The following DNHD1 variants were observed in gnomAD, a reference collection of about 807,000 sequenced individuals.
DNHD1 encodes dynein heavy chain domain-containing protein 1.
Under a neutral mutation model 458.1 loss-of-function variants are expected in DNHD1, and 383 were observed. The observed-to-expected ratio is 0.84, with a 90% confidence interval of 0.77 to 0.91. The LOEUF is 0.91. DNHD1 is among the 40% of genes least tolerant of loss of function. DNHD1 has a pLI of 0.00. For missense variants in DNHD1, 5,336 were observed against 5,866.1 expected, an observed-to-expected ratio of 0.91 and a Z score of 2.95; for synonymous variants, 2,203 against 2,376.9, an observed-to-expected ratio of 0.93 and a Z score of 2.13.
In DNHD1 at chr11:6,545,373, T is replaced by G. The variant is rs1853188174; in HGVS notation, c.4434T>G (p.Gly1478=). 1 of 1,551,726 alleles carries G rather than the reference T, an allele frequency of 6.4e-7. No individual in the cohort carries two copies. The highest frequency in any genetic ancestry group is 2.4e-5 in the East Asian group (1 of 40,926). The change falls in exon 21 of 43, where the codon GGT becomes GGG. Residue 1478 remains glycine, a synonymous_variant. Transcript: ENST00000254579. The surrounding 1 kb of genome is among the most constrained non-coding windows in gnomAD (Gnocchi z 4.9). The part of the protein sequence containing the change: ...AARLARGPSL[G]EALKQLPKQN... ...GCCTTGCTCGAGGCCCATCTCTAGG[T>G]GAGGCCCTCAAGCAACTGCCCAAGC...
Position 6,559,159 on chromosome 11 carries a change from C to T in DNHD1, c.9417-22C>T. On this transcript the variant is annotated intron_variant, in intron 27 of 42. Transcript: ENST00000254579. ...CTCCTTCTGCTCCTTTGGGTTTCCT[C>T]ACCAGCACATTGTATCTCCAGGGTC... 14 of 1,551,658 alleles carry T rather than the reference C, an allele frequency of 9.0e-6. 1 individual carries two copies. The highest frequency in any genetic ancestry group is 2.4e-5 in the South Asian group (2 of 84,052).
At chr11:6,547,757 G>A in intron 21 of DNHD1, 91 bp downstream of exon 21, 2 of 1,486,348 alleles carry the variant, frequency 1.3e-6, no homozygotes, top group African/African-American at 2.8e-5. Context: ...GTTCTTTGGT[G>A]GATCTGGGCC....
In DNHD1 at chr11:6,571,359, G is replaced by A. The variant is rs1467398457; in HGVS notation, c.13847G>A (p.Gly4616Asp). 6.2e-7 allele frequency: 1 copy of A among 1,612,396 alleles called. No individual in the cohort carries two copies. Among genetic ancestry groups the A allele is most frequent in the East Asian group, 2.2e-5 (1 of 44,850 alleles). ...VPSSNFPGSR[G>D]SVSSQLQYKR... ...AGCTCGAATTTCCCTGGTAGCCGAG[G>A]CTCGGTCTCCAGTCAGCTCCAGTAT... Residue 4616 changes from glycine to aspartate, a missense_variant, in exon 42 of 43, where the codon GGC becomes GAC. Physicochemically the swap from Gly to Asp is moderately conservative, Grantham distance 94. Coordinates refer to ENST00000254579, the MANE Select transcript of DNHD1 (RefSeq NM_144666.3). The surrounding 1 kb of genome is among the most constrained non-coding windows in gnomAD (Gnocchi z 5.0).
Position 6,571,918 on chromosome 11 carries a change from C to T in DNHD1, c.14194C>T (p.Pro4732Ser). The T allele has an allele frequency of 6.2e-7, 1 of 1,614,028 alleles. No individual in the cohort carries two copies. Among genetic ancestry groups the T allele is most frequent in the South Asian group, 1.1e-5 (1 of 91,088 alleles). ...SRNIVMHLPL[P>S]TKLTPNTCVQ... ...GAACATCGTGATGCATCTGCCTTTA[C>T]CCACCAAGCTCACCCCCAACACCTG... Residue 4732 changes from proline to serine, a missense_variant, in exon 43 of 43, where the codon CCC becomes TCC. This residue lies in a region of DNHD1 where 698 missense variants were observed against 664.9 expected (regional missense o/e 1.05). Coordinates refer to ENST00000254579, the MANE Select transcript of DNHD1 (RefSeq NM_144666.3). This position sits in a 1 kb window ranked among gnomAD's most constrained non-coding sequence, Gnocchi z 5.0.
chr11:6,544,733 G>T, intron 20 of DNHD1, 59 bp from the exon 21 acceptor site: 1 of 1,539,766 alleles, frequency 6.5e-7, no homozygotes, highest in Non-Finnish European at 8.8e-7. Context: ...GGCTCAGCGT[G>T]GGAAAGGGGA....
rs149747311 is a variant in DNHD1, at chr11:6,500,895, G to T, written c.747-1858G>T. Among the ~76,000 whole-genome samples, 54 of 152,180 alleles carry T rather than the reference G, an allele frequency of 3.5e-4. No individual in the cohort carries two copies. The East Asian group carries it at 7.9e-3, about 22-fold the overall frequency. On this transcript the variant is annotated intron_variant, in intron 3 of 42. Coordinates refer to ENST00000254579, the MANE Select transcript of DNHD1 (RefSeq NM_144666.3). ...AACAAGTAAAATATAATTACAAATT[G>T]TAATAAGTGCTATAAAACAAAAGAA...
chr11:6,565,672 T>G, intron 32 of DNHD1, 23 bp from the exon 33 acceptor site: 2 of 1,523,140 alleles, frequency 1.3e-6, no homozygotes, highest in Non-Finnish European at 1.8e-6. Flanking sequence ...TAAGAAGAGC[T>G]CCTCTGAATC....
Position 6,546,324 on chromosome 11 carries a change from G to T in DNHD1, c.5385G>T (p.Val1795=), listed in dbSNP as rs1853217013. ...LGSSFFEKHH[V]SVRLGYGCLL... Reference sequence around the variant, plus strand: ...GTAGCTTCTTTGAAAAACATCACGTGTCTGTGCGCCTTGGCTATGGCTGTC... The same window carrying T: ...GTAGCTTCTTTGAAAAACATCACGTTTCTGTGCGCCTTGGCTATGGCTGTC... The change falls in exon 21 of 43, where the codon GTG becomes GTT. Residue 1795 remains valine, a synonymous_variant. Transcript: ENST00000254579. 1 of 1,552,414 alleles carries T rather than the reference G, an allele frequency of 6.4e-7. No homozygotes were observed. The highest frequency in any genetic ancestry group is 8.7e-7 in the Non-Finnish European group (1 of 1,147,160).
chr11:6,555,248 A>G (rs1203926491), intron 24 of DNHD1, among the ~76,000 whole-genome samples: 1 of 102,924 alleles, frequency 9.7e-6, no homozygotes, highest in Admixed American at 1.0e-4. Flanking sequence ...GTCTCTCTCA[A>G]TCTAACTCTT....
At chr11:6,537,856 G>C (rs1564812815) in intron 14 of DNHD1, among the ~76,000 whole-genome samples, 1 of 152,202 alleles carries the variant, frequency 6.6e-6, no homozygotes, top group East Asian at 1.9e-4. Flanking sequence ...ACTTGAACCC[G>C]GGAGGCAGAG....
At chr11:6,555,228 T>TTCTC (rs1853437117) in intron 24 of DNHD1, among the ~76,000 whole-genome samples, 1 of 10,744 alleles carries the variant, frequency 9.3e-5, no homozygotes, top group Admixed American at 1.3e-3. Context: ...CTCTGTCTCT[T>TTCTC]TCTCTCTCTG....
chr11:6,535,569 A>G (rs1564812163), intron 14 of DNHD1, among the ~76,000 whole-genome samples: 2 of 152,246 alleles, frequency 1.3e-5, no homozygotes, highest in Non-Finnish European at 2.9e-5. Flanking sequence ...ACAAGGATTC[A>G]GAAGGGATAC....
rs930905162 is a variant in DNHD1 at position 6,505,070 on chromosome 11, A to G, written c.920+2144A>G. On this transcript the variant is annotated intron_variant, in intron 4 of 42. Transcript: ENST00000254579. The surrounding 1 kb of genome is among the most constrained non-coding windows in gnomAD (Gnocchi z 4.4). Reference sequence around the variant, plus strand: ...GGTCTCGAACTCCTGGGCTCAAGCTATCCTCCCTTCTCAGCCTCCCAAAGT... The same window carrying G: ...GGTCTCGAACTCCTGGGCTCAAGCTGTCCTCCCTTCTCAGCCTCCCAAAGT... Among the ~76,000 whole-genome samples, 5 of 151,922 alleles carry G rather than the reference A, an allele frequency of 3.3e-5. No homozygotes were observed. Among genetic ancestry groups the G allele is most frequent in the Non-Finnish European group, 5.9e-5 (4 of 67,982 alleles).
chr11:6,568,912 C>T, intron 39 of DNHD1, 46 bp downstream of exon 39: 2 of 1,540,500 alleles, frequency 1.3e-6, no homozygotes, highest in Non-Finnish European at 1.8e-6. Flanking sequence ...ACTCAACAAA[C>T]ATTGAGTATC....
chr11:6,545,206 G>C lies in DNHD1; in HGVS notation c.4267G>C (p.Ala1423Pro). The change falls in exon 21 of 43, where the codon GCA becomes CCA. Residue 1423 changes from alanine (A) to proline (P), a missense_variant. Ala to Pro is a conservative substitution (Grantham distance 27, BLOSUM62 -1). This residue lies in a region of DNHD1 where 3,932 missense variants were observed against 4,365.6 expected (regional missense o/e 0.90). Coordinates refer to ENST00000254579, the MANE Select transcript of DNHD1 (RefSeq NM_144666.3). The surrounding 1 kb of genome is among the most constrained non-coding windows in gnomAD (Gnocchi z 4.9). ...CACACAGACTCAGGTGGAGGCACTT[G>C]CAGTGCTAGGGGCAGGTGGGGAGGA... is the stretch of plus-strand genomic sequence containing the variant. ...PNTQTQVEAL[A>P]VLGAGGEEVK... 6.4e-7 allele frequency: 1 copy of C among 1,551,948 alleles called. No homozygotes were observed.
rs185113431 is a variant in DNHD1, at chr11:6,545,892, C to T, written c.4953C>T (p.Tyr1651=). The stretch of plus-strand genomic sequence containing the variant: ...TAGGCAGGTCCTTCCTGTACAATTA[C>T]GAGTATCTGGGACCTAGACTAGGGC... ...DVLGRSFLYN[Y]EYLGPRLGPL... The change falls in exon 21 of 43, where the codon TAC becomes TAT. Residue 1651 remains tyrosine (Y), a synonymous_variant. Transcript: ENST00000254579. The surrounding 1 kb of genome is among the most constrained non-coding windows in gnomAD (Gnocchi z 4.9). The T allele has an allele frequency of 5.2e-6, 8 of 1,551,836 alleles. No homozygotes were observed. The East Asian group carries it at 1.7e-4, about 33-fold the overall frequency.
At chr11:6,511,698 T>C (rs55752019) in intron 7 of DNHD1, among the ~76,000 whole-genome samples, 24,004 of 152,170 alleles carry the variant, frequency 0.16, 2,021 homozygotes, top group South Asian at 0.22. Flanking sequence ...AATGTCTATT[T>C]TGTCTGTTGT....
At chr11:6,518,730 T>C (rs575837239) in intron 7 of DNHD1, among the ~76,000 whole-genome samples, 8 of 152,304 alleles carry the variant, frequency 5.3e-5, no homozygotes, top group African/African-American at 1.7e-4. Flanking sequence ...TGTTAGAACA[T>C]GGAAGAAAAC....
intron 24 of DNHD1, among the ~76,000 whole-genome samples, chr11:6,550,115 T>C (rs532152225): frequency 7.8e-4 from 119 of 152,246 alleles, no homozygotes; most frequent in Non-Finnish European, 1.4e-3. Context: ...ATATCTACTA[T>C]GTGCTCTATG....
Sources: allele counts gnomAD v4.1 joint callset (sites outside exome capture counted in the v4.1 genomes callset), GRCh38; gene constraint gnomAD v4.1.1; regional missense constraint gnomAD v4.1.1; non-coding constraint Gnocchi (gnomAD v3.1); transcripts MANE v1.5; gene names NCBI Gene and HGNC (gene_info 2026-07-23, HGNC 2026-07-21).